FRMPD4: variants seen among roughly 807,000 people sequenced by gnomAD.
The protein encoded by FRMPD4 is FERM and PDZ domain containing 4.
FRMPD4 carries 22 observed loss-of-function variants against 94.1 expected under a neutral mutation model. The ratio of observed to expected loss-of-function variants is 0.23; its 90% CI spans 0.17 to 0.33. The LOEUF (loss-of-function observed/expected upper bound fraction) is 0.33. FRMPD4 is among the 10% of genes least tolerant of loss of function. The pLI is 1.00. For synonymous variants in FRMPD4, 631 were observed against 548.6 expected, an observed-to-expected ratio of 1.15 and a Z score of -2.10; for missense variants, 1,111 against 1,339.9, an observed-to-expected ratio of 0.83 and a Z score of 2.67.
chrX:12,447,330 A>AC (rs201539718), intron 1 of FRMPD4, among the ~76,000 whole-genome samples: 1,918 of 111,017 alleles, frequency 0.017, 46 homozygotes, highest in African/African-American at 0.061. Flanking sequence ...ACTGCTTTTC[A>AC]CCCCCCAGTT....
chrX:11,831,806 A>G (rs1837566138), intron 1 of FRMPD4, among the ~76,000 whole-genome samples: 1 of 111,976 alleles, frequency 8.9e-6, no homozygotes, highest in African/African-American at 3.2e-5. Context: ...GAATACCAAG[A>G]GAAATAAGGA....
intron 1 of FRMPD4, among the ~76,000 whole-genome samples, chrX:12,190,694 T>TA (rs35306041): frequency 0.023 from 2,033 of 86,939 alleles, 61 homozygotes; most frequent in African/African-American, 0.071. Flanking sequence ...ACATCCACAT[T>TA]AAAAAAAAAA....
intron 1 of FRMPD4, among the ~76,000 whole-genome samples, chrX:12,165,148 G>C (rs1191899499): frequency 9.0e-6 from 1 of 111,667 alleles, no homozygotes; most frequent in East Asian, 2.8e-4. Context: ...GAATGGTATT[G>C]CCTAGGTTTT....
intron 2 of FRMPD4, among the ~76,000 whole-genome samples, chrX:12,571,688 C>A (rs2058762382): frequency 8.9e-6 from 1 of 112,478 alleles, no homozygotes; most frequent in Non-Finnish European, 1.9e-5. Context: ...CTTGACTCAT[C>A]CCCATCTGAA....
chrX:12,354,074 G>A, intron 1 of FRMPD4, among the ~76,000 whole-genome samples: 1 of 112,104 alleles, frequency 8.9e-6, no homozygotes. Flanking sequence ...CTACTAAAAT[G>A]TTTAAATGAT....
chrX:12,036,452 CAAG>C (rs2054720982), intron 3 of FRMPD4, among the ~76,000 whole-genome samples: 1 of 110,918 alleles, frequency 9.0e-6, no homozygotes, highest in Non-Finnish European at 1.9e-5. Flanking sequence ...AAAAATTGAA[CAAG>C]AAAAAAAGTG....
intron 1 of FRMPD4, among the ~76,000 whole-genome samples, chrX:12,235,061 AGGATG>A (rs768795550): frequency 8.9e-6 from 1 of 112,162 alleles, no homozygotes; most frequent in Non-Finnish European, 1.9e-5. Context: ...ATTAACACAC[AGGATG>A]GGCTTTCAAT....
chrX:11,979,383 C>T (rs1255017983), intron 3 of FRMPD4, among the ~76,000 whole-genome samples: 3 of 112,068 alleles, frequency 2.7e-5, no homozygotes, highest in African/African-American at 9.7e-5. Context: ...GTCTTCTGAG[C>T]ATTCCTGCTT....
At chrX:12,030,804 C>T (rs184812247) in intron 3 of FRMPD4, among the ~76,000 whole-genome samples, 108 of 111,892 alleles carry the variant, frequency 9.7e-4, no homozygotes, top group African/African-American at 3.5e-3. Flanking sequence ...GGAATAAAGG[C>T]TATGTTTTTG....
intron 3 of FRMPD4, among the ~76,000 whole-genome samples, chrX:12,044,977 G>C (rs2054777833): frequency 8.9e-6 from 1 of 112,205 alleles, no homozygotes; most frequent in Non-Finnish European, 1.9e-5. Context: ...GCAAACTTTT[G>C]CCTGTGGGCC....
At position 12,588,498 on chromosome X, in the gene FRMPD4, G is replaced by A. The variant is rs769928095; in HGVS notation, c.159-21223G>A. On this transcript the variant is annotated intron_variant, in intron 2 of 16. Coordinates refer to ENST00000675598, the MANE Select transcript of FRMPD4 (RefSeq NM_001368397.1). ...ATGTTCAGTATGTAAGTCGATAAAG[G>A]TGACATTATGACAAGAATCTTAAGA... Among the ~76,000 whole-genome samples the A allele has an allele frequency of 2.3e-4, 26 of 112,355 alleles. 1 individual carries two copies. The highest frequency in any genetic ancestry group is 8.4e-4 in the African/African-American group (26 of 31,010).
intron 3 of FRMPD4, among the ~76,000 whole-genome samples, chrX:12,070,327 G>A (rs750857514): frequency 9.0e-6 from 1 of 111,178 alleles, no homozygotes; most frequent in Non-Finnish European, 1.9e-5. Flanking sequence ...TGTGAGAGGT[G>A]TTTCAAGAAA....
chrX:12,566,433 CT>C (rs1413698875), intron 2 of FRMPD4, among the ~76,000 whole-genome samples: 1 of 111,159 alleles, frequency 9.0e-6, no homozygotes, highest in Non-Finnish European at 1.9e-5. Context: ...TGACTGCCCC[CT>C]GAGTACTCAA....
At chrX:11,963,591 T>C (rs1250394256) in intron 3 of FRMPD4, among the ~76,000 whole-genome samples, 1 of 112,457 alleles carries the variant, frequency 8.9e-6, no homozygotes, top group African/African-American at 3.2e-5. Context: ...GGCCAACTAT[T>C]TCCTACCCAG....
chrX:11,951,059 C>CAA (rs35673540), intron 3 of FRMPD4, among the ~76,000 whole-genome samples: 360 of 32,014 alleles, frequency 0.011, 5 homozygotes, highest in African/African-American at 0.023. Flanking sequence ...AACTCCATCT[C>CAA]AAAAAAAAAA....
intron 2 of FRMPD4, among the ~76,000 whole-genome samples, chrX:12,541,241 G>C (rs759778850): frequency 9.0e-6 from 1 of 111,603 alleles, no homozygotes; most frequent in Non-Finnish European, 1.9e-5. Flanking sequence ...ACTAAGATCA[G>C]AGCAGAACTG....
rs968357518 is a variant in FRMPD4, at chrX:12,413,338, C to CTGTT, written c.42-85336_42-85333dup. ...GGCTGGATAATCCATTCTTTATTGA[C>CTGTT]TGTTTGTTTTCTCTTCCCAGCATAG... On this transcript the variant is annotated intron_variant, in intron 1 of 16. Coordinates refer to ENST00000675598, the MANE Select transcript of FRMPD4 (RefSeq NM_001368397.1). 4.3e-4 allele frequency among the ~76,000 whole-genome samples: 48 copies of CTGTT among 112,305 alleles called. 2 individuals are homozygous for CTGTT. The East Asian group carries it at 7.3e-3, about 17-fold the overall frequency.
chrX:12,048,502 CA>C (rs2054798555), intron 3 of FRMPD4, among the ~76,000 whole-genome samples: 1 of 111,744 alleles, frequency 8.9e-6, no homozygotes, highest in Non-Finnish European at 1.9e-5. Flanking sequence ...AATTAGGCCC[CA>C]CTTTTTTGTT....
chrX:12,072,256 G>C (rs2054975564), intron 3 of FRMPD4, among the ~76,000 whole-genome samples: 1 of 112,025 alleles, frequency 8.9e-6, no homozygotes, highest in African/African-American at 3.2e-5. Context: ...TGTTGAAAAT[G>C]AAGCTGTTTT....
Sources: gnomAD v4.1 joint callset for allele counts (sites outside exome capture counted in the v4.1 genomes callset) on GRCh38, gnomAD v4.1.1 for gene constraint, MANE v1.5 for transcripts, NCBI Gene and HGNC (gene_info 2026-07-23, HGNC 2026-07-21) for gene names.